The following CHD6 variants were observed in gnomAD, a reference collection of about 807,000 sequenced individuals.
CHD6 encodes ATP-dependent chromatin remodeler CHD6.
A neutral mutation model predicts 276.9 loss-of-function variants in CHD6; 50 were observed. The ratio of observed to expected loss-of-function variants is 0.18; its 90% CI spans 0.14 to 0.23. The LOEUF (loss-of-function observed/expected upper bound fraction) is 0.23, where lower values mean the gene tolerates loss of function less well. Among genes scored for constraint, CHD6 ranks in the 10% least tolerant of loss-of-function variants. CHD6 has a pLI of 1.00. For missense variants in CHD6, 2,564 were observed against 3,365.8 expected (o/e 0.76, Z 5.89); for synonymous variants, 1,173 against 1,229.3 (o/e 0.95, Z 0.96).
chr20:41,521,652 A>G (rs977100392), intron 3 of CHD6, among the ~76,000 whole-genome samples: 1 of 152,178 alleles, frequency 6.6e-6, no homozygotes, highest in Non-Finnish European at 1.5e-5. Context: ...AGGGCCTAAG[A>G]GCAAAGATGC....
At chr20:41,478,263 A>G (rs758074830) in intron 16 of CHD6, among the ~76,000 whole-genome samples, 25 of 152,136 alleles carry the variant, frequency 1.6e-4, no homozygotes, top group Non-Finnish European at 2.9e-4. Context: ...CATGAGGCTG[A>G]TATGAAACAC....
At position 41,403,667 on chromosome 20, in the gene CHD6, TG is replaced by T. The variant is rs1195336620; in HGVS notation, c.*925del. On this transcript the variant is annotated 3_prime_UTR_variant, in exon 37 of 37. Coordinates refer to ENST00000373233, the MANE Select transcript of CHD6 (RefSeq NM_032221.5). Reference sequence around the variant, plus strand: ...CAGGCTCCAGAAAGAACCTTATTCTTGGTGAAGGAAAGCCTGAAGTGAAAAT... The same window carrying T: ...CAGGCTCCAGAAAGAACCTTATTCTTGTGAAGGAAAGCCTGAAGTGAAAAT... The T allele has an allele frequency of 1.6e-5, 17 of 1,060,534 alleles. No homozygotes were observed. In the African/African-American group the frequency reaches 2.8e-4, roughly 17 times the overall value. The allele number at this position is 1,060,534 out of a possible 1,614,324, so 65.7% of individuals were successfully genotyped here.
chr20:41,508,501 A>AGT (rs1239807753), intron 5 of CHD6, among the ~76,000 whole-genome samples: 1 of 152,142 alleles, frequency 6.6e-6, no homozygotes, highest in African/African-American at 2.4e-5. Flanking sequence ...AAACTACAGA[A>AGT]GTGTGTGCTG....
At chr20:41,509,101 G>C (rs1208370644) in intron 5 of CHD6, among the ~76,000 whole-genome samples, 1 of 152,120 alleles carries the variant, frequency 6.6e-6, no homozygotes, top group African/African-American at 2.4e-5. Context: ...AATCTGATTA[G>C]GGGAACAATC....
rs141882792 is a variant in CHD6 at position 41,450,894 on chromosome 20, G to A, written c.3683+52C>T. On this transcript the variant is annotated intron_variant, in intron 23 of 36. Transcript: ENST00000373233. ...TCTCCCTGTGGGGTTCCCAGGAATC[G>A]AAGCAGTCTGAGCCGGGCTGCCACC... The A allele has an allele frequency of 2.3e-3, 3,599 of 1,544,868 alleles. 42 individuals are homozygous for A. The highest frequency in any genetic ancestry group is 0.017 in the Middle Eastern group (92 of 5,504).
intron 2 of CHD6, among the ~76,000 whole-genome samples, chr20:41,539,874 T>C (rs1404679089): frequency 1.3e-5 from 2 of 152,256 alleles, no homozygotes; most frequent in Non-Finnish European, 2.9e-5. Flanking sequence ...CAACCATTAT[T>C]ATACGGAGGT....
intron 17 of CHD6, among the ~76,000 whole-genome samples, chr20:41,469,883 C>G (rs937224648): frequency 1.1e-4 from 16 of 152,180 alleles, no homozygotes; most frequent in Admixed American, 1.0e-3. Context: ...TTTTGTTATT[C>G]CTAAGTAGTA....
rs77067182 is a variant in CHD6 at position 41,608,123 on chromosome 20, C to T, written c.-24+10217G>A. On this transcript the variant is annotated intron_variant, in intron 1 of 36. Coordinates refer to ENST00000373233, the MANE Select transcript of CHD6 (RefSeq NM_032221.5). ...TTACTGAGGGATCTGGGGAAAAAAT[C>T]TATCCTAATAACCCTAAGTCATATA... Among the ~76,000 whole-genome samples the T allele has an allele frequency of 9.6e-3, 1,467 of 152,290 alleles. 19 individuals carry two copies. The highest frequency in any genetic ancestry group is 0.015 in the Non-Finnish European group (993 of 68,026).
chr20:41,403,312 T>G lies in CHD6; in HGVS notation c.*1281A>C. The G allele has an allele frequency of 9.4e-7, 1 of 1,063,374 alleles. No homozygotes were observed. The allele number at this position is 1,063,374 out of a possible 1,614,324, so 65.9% of individuals were successfully genotyped here. ...TTACTTCAAGTCTCAGAGTGTGAACTACCTGTGAAGAGTGAGACCATCAGA... is the reference window on the plus strand; with the variant it reads ...TTACTTCAAGTCTCAGAGTGTGAACGACCTGTGAAGAGTGAGACCATCAGA... On this transcript the variant is annotated 3_prime_UTR_variant, in exon 37 of 37. Transcript: ENST00000373233.
Position 41,588,751 on chromosome 20 carries a change from C to G in CHD6, c.-24+29589G>C, listed in dbSNP as rs571761422. Among the ~76,000 whole-genome samples, 14 of 152,254 alleles carry G rather than the reference C, an allele frequency of 9.2e-5. 3 individuals are homozygous for G. The highest frequency in any genetic ancestry group is 3.4e-4 in the African/African-American group (14 of 41,546). The stretch of plus-strand genomic sequence containing the variant: ...CAAGAAAATTTTCTAGGACCAAAGA[C>G]ATGCTACTCTAGCTCCCACTCTCTA... On this transcript the variant is annotated intron_variant, in intron 1 of 36. Transcript: ENST00000373233.
chr20:41,612,991 T>C (rs1228139925), intron 1 of CHD6, among the ~76,000 whole-genome samples: 2 of 152,186 alleles, frequency 1.3e-5, no homozygotes, highest in Non-Finnish European at 2.9e-5. Context: ...TCTAATATTG[T>C]TTTGGCAATT....
rs140730277 is a variant in CHD6 at position 41,617,642 on chromosome 20, A to G, written c.-24+698T>C. ...ATAGATCTTTTTTTAAAGCTCCAACATGCGATCTAATAATGCACAAAACTT... is the reference window on the plus strand; with the variant it reads ...ATAGATCTTTTTTTAAAGCTCCAACGTGCGATCTAATAATGCACAAAACTT... On this transcript the variant is annotated intron_variant, in intron 1 of 36. Transcript: ENST00000373233. Among the ~76,000 whole-genome samples the G allele has an allele frequency of 3.5e-4, 53 of 152,172 alleles. 1 individual carries two copies. The highest frequency in any genetic ancestry group is 1.2e-3 in the African/African-American group (51 of 41,554).
chr20:41,515,052 C>A, intron 3 of CHD6, 100 bp from the exon 4 acceptor site: 3 of 1,268,180 alleles, frequency 2.4e-6, no homozygotes, highest in Non-Finnish European at 3.3e-6. Context: ...AATTCTAGGA[C>A]CAGGGCAGGC....
chr20:41,492,690 A>C (rs917384212), intron 10 of CHD6, among the ~76,000 whole-genome samples: 16 of 152,388 alleles, frequency 1.0e-4, no homozygotes, highest in Admixed American at 7.8e-4. Context: ...TGGGAGGCCA[A>C]GACAGGCGGA....
At chr20:41,540,755 G>C (rs765903919) in intron 2 of CHD6, among the ~76,000 whole-genome samples, 45 of 152,006 alleles carry the variant, frequency 3.0e-4, no homozygotes, top group Non-Finnish European at 5.4e-4. Flanking sequence ...GGGAGAAGAT[G>C]GTGTTCTGTG....
intron 31 of CHD6, among the ~76,000 whole-genome samples, chr20:41,418,461 G>A (rs1478773164): frequency 2.6e-5 from 4 of 152,148 alleles, no homozygotes; most frequent in Admixed American, 6.5e-5. Context: ...GCACAAAGAT[G>A]AGGCTAGAGG....
At chr20:41,612,581 A>C (rs184178702) in intron 1 of CHD6, among the ~76,000 whole-genome samples, 2 of 152,372 alleles carry the variant, frequency 1.3e-5, no homozygotes, top group African/African-American at 4.8e-5. Flanking sequence ...TCTAAGCCAA[A>C]ATACACAATG....
At position 41,473,130 on chromosome 20, in the gene CHD6, C is replaced by T. The variant is rs368254981; in HGVS notation, c.2664+192G>A. On this transcript the variant is annotated intron_variant, in intron 17 of 36. Transcript: ENST00000373233. This position sits in a 1 kb window ranked among gnomAD's most constrained non-coding sequence, Gnocchi z 4.1. ...ATTTGATTTAACGGAAAGAACCACA[C>T]TCTCTAATTAGTTGGAAGGGTCGAC... 1.9e-6 allele frequency: 1 copy of T among 525,308 alleles called. No individual in the cohort carries two copies. The highest frequency in any genetic ancestry group is 2.9e-5 in the East Asian group (1 of 34,244). 32.5% of individuals were successfully genotyped at this position (525,308 alleles called of 1,614,324 possible).
intron 17 of CHD6, 147 bp from the exon 18 acceptor site, chr20:41,457,575 T>C: frequency 4.0e-6 from 4 of 1,006,174 alleles, no homozygotes; most frequent in Non-Finnish European, 5.7e-6. Context: ...ACAGAATTTA[T>C]ACCCAAAGGT....
Sources: gnomAD v4.1 joint callset for allele counts (sites outside exome capture counted in the v4.1 genomes callset) on GRCh38, gnomAD v4.1.1 for gene constraint, Gnocchi (gnomAD v3.1) non-coding constraint, MANE v1.5 for transcripts, NCBI Gene and HGNC (gene_info 2026-07-23, HGNC 2026-07-21) for gene names.